The following FAM193A variants were observed in gnomAD, a reference collection of about 807,000 sequenced individuals.
The protein encoded by FAM193A is protein FAM193A.
A neutral mutation model predicts 126.5 loss-of-function variants in FAM193A; 22 were observed. The ratio of observed to expected loss-of-function variants is 0.17; its 90% confidence interval spans 0.12 to 0.25. The LOEUF is 0.25. Ranked by LOEUF, FAM193A falls within the 10% of genes least tolerant of loss-of-function variation. The probability of loss-of-function intolerance (pLI) is 1.00; values close to 1 mark genes in which losing one functional copy is unlikely to be tolerated. For missense variants in FAM193A, 1,675 were observed against 1,672.8 expected (o/e 1.00, Z -0.02); for synonymous variants, 761 against 646.8 (o/e 1.18, Z -2.68).
chr4:2,705,974 A>C (rs1718254075), intron 19 of FAM193A, among the ~76,000 whole-genome samples: 1 of 152,052 alleles, frequency 6.6e-6, no homozygotes, highest in Admixed American at 6.6e-5. Flanking sequence ...GGGAGGCCAA[A>C]GCAGGAGGAT....
chr4:2,718,135 A>G (rs1370618722), intron 20 of FAM193A, among the ~76,000 whole-genome samples: 1 of 152,172 alleles, frequency 6.6e-6, no homozygotes, highest in African/African-American at 2.4e-5. Flanking sequence ...GAAATTAGGA[A>G]AAGAACAATA....
intron 5 of FAM193A, among the ~76,000 whole-genome samples, chr4:2,636,000 A>ATTT (rs796940676): frequency 2.1e-5 from 3 of 144,984 alleles, no homozygotes; most frequent in Non-Finnish European, 3.0e-5. Context: ...AAAAGGACGA[A>ATTT]TTTTTTTTTT....
chr4:2,577,717 C>G (rs1303137122), intron 1 of FAM193A, among the ~76,000 whole-genome samples: 2 of 152,092 alleles, frequency 1.3e-5, no homozygotes, highest in Non-Finnish European at 2.9e-5. Context: ...CCACACCTGA[C>G]CTCTGATTCA....
chr4:2,574,702 A>T (rs1295163006), intron 1 of FAM193A, among the ~76,000 whole-genome samples: 1 of 152,202 alleles, frequency 6.6e-6, no homozygotes, highest in African/African-American at 2.4e-5. Context: ...CCTTAAATAA[A>T]TGTGGAGCTG....
At chr4:2,622,401 C>T (rs1351544527) in intron 2 of FAM193A, among the ~76,000 whole-genome samples, 1 of 152,012 alleles carries the variant, frequency 6.6e-6, no homozygotes, top group Non-Finnish European at 1.5e-5. Context: ...TGTCCTGTTC[C>T]TCCAGGATGG....
intron 18 of FAM193A, among the ~76,000 whole-genome samples, chr4:2,696,830 G>A (rs1717094950): frequency 6.6e-6 from 1 of 152,182 alleles, no homozygotes; most frequent in Non-Finnish European, 1.5e-5. Context: ...GAATGGGTTT[G>A]TTCTTGTGCT....
At chr4:2,543,355 A>G (rs575703277) in intron 1 of FAM193A, among the ~76,000 whole-genome samples, 2 of 152,008 alleles carry the variant, frequency 1.3e-5, no homozygotes, top group South Asian at 2.1e-4. Flanking sequence ...TCAAAGTGCT[A>G]GGATTACGGT....
intron 4 of FAM193A, among the ~76,000 whole-genome samples, chr4:2,629,646 G>A (rs1743347856): frequency 6.6e-6 from 1 of 152,192 alleles, no homozygotes. Flanking sequence ...AAATCCAGGA[G>A]CTGTAGTTTA....
At chr4:2,597,730 G>A (rs961085768) in intron 2 of FAM193A, among the ~76,000 whole-genome samples, 5 of 152,064 alleles carry the variant, frequency 3.3e-5, no homozygotes, top group African/African-American at 1.2e-4. Context: ...CTTTGTTGGA[G>A]CTGGCCTTTA....
chr4:2,690,549 TA>T, intron 14 of FAM193A, 148 bp from the exon 15 acceptor site: 1 of 699,210 alleles, frequency 1.4e-6, no homozygotes, highest in South Asian at 2.0e-5. Context: ...TTTCTTAGAT[TA>T]AAAGCTAGTT....
intron 1 of FAM193A, among the ~76,000 whole-genome samples, chr4:2,579,436 A>G (rs2108875183): frequency 6.6e-6 from 1 of 151,306 alleles, no homozygotes; most frequent in Non-Finnish European, 1.5e-5. Flanking sequence ...GGTGGCTCAC[A>G]CCTGTAATCC....
intron 1 of FAM193A, among the ~76,000 whole-genome samples, chr4:2,568,640 C>T (rs1301616902): frequency 1.3e-5 from 2 of 152,156 alleles, no homozygotes; most frequent in African/African-American, 4.8e-5. Context: ...GCCAGCATTC[C>T]CCACAGTGAG....
chr4:2,716,084 G>A lies in FAM193A; in HGVS notation c.4434G>A (p.Arg1478=). 1 of 1,602,950 alleles carries A rather than the reference G, an allele frequency of 6.2e-7. No individual in the cohort carries two copies. Among genetic ancestry groups the A allele is most frequent in the Non-Finnish European group, 8.5e-7 (1 of 1,169,766 alleles). Residue 1478 remains arginine (R), a synonymous_variant, in exon 20 of 21, where the codon AGG becomes AGA. Transcript: ENST00000637812. ...GTGTGGATATGGATGAGACAGAGAGGGAAGTGGAATATTTCAAAAGGTAAA... is the reference window on the plus strand; with the variant it reads ...GTGTGGATATGGATGAGACAGAGAGAGAAGTGGAATATTTCAAAAGGTAAA... ...LDSVDMDETE[R]EVEYFKRFCL...
At chr4:2,680,431 C>T (rs1458804375) in intron 13 of FAM193A, among the ~76,000 whole-genome samples, 1 of 152,162 alleles carries the variant, frequency 6.6e-6, no homozygotes, top group Non-Finnish European at 1.5e-5. Flanking sequence ...AGCATTCCTC[C>T]TCCCTTGGCC....
intron 1 of FAM193A, among the ~76,000 whole-genome samples, chr4:2,555,902 G>T (rs1476003289): frequency 6.7e-6 from 1 of 149,516 alleles, no homozygotes; most frequent in East Asian, 2.0e-4. Context: ...AAGCGTGAGA[G>T]ACACTGTTTT....
At chr4:2,696,674 G>T (rs756524700) in intron 18 of FAM193A, 81 bp downstream of exon 18, 11 of 1,109,250 alleles carry the variant, frequency 9.9e-6, no homozygotes, top group Non-Finnish European at 1.5e-5. Context: ...CTCTAGGCAG[G>T]GCTGAGCCAC....
At chr4:2,622,540 T>C (rs1266725374) in intron 2 of FAM193A, among the ~76,000 whole-genome samples, 1 of 152,158 alleles carries the variant, frequency 6.6e-6, no homozygotes, top group Non-Finnish European at 1.5e-5. Context: ...TCTTTCTTGT[T>C]GGTGGCGGGG....
chr4:2,620,836 C>CA (rs34305537), intron 2 of FAM193A, among the ~76,000 whole-genome samples: 2,442 of 68,964 alleles, frequency 0.035, 157 homozygotes, highest in African/African-American at 0.13. Context: ...AACTCCGTCT[C>CA]AAAAAAAAAA....
intron 20 of FAM193A, among the ~76,000 whole-genome samples, chr4:2,716,776 A>G (rs887819067): frequency 3.9e-5 from 6 of 152,046 alleles, no homozygotes; most frequent in African/African-American, 1.4e-4. Flanking sequence ...TCCCGGGTTC[A>G]AGCAATTCTC....
Sources: gnomAD v4.1 joint callset for allele counts (sites outside exome capture counted in the v4.1 genomes callset) on GRCh38, gnomAD v4.1.1 for gene constraint, MANE v1.5 for transcripts, NCBI Gene and HGNC (gene_info 2026-07-23, HGNC 2026-07-21) for gene names.